Variants in KIF1A observed in about 807,000 individuals in gnomAD.
KIF1A encodes kinesin-like protein KIF1A.
In KIF1A, 46 loss-of-function variants were observed where a neutral mutation model predicts 227.3. That is an observed-to-expected ratio of 0.20 (90% confidence interval 0.16 to 0.26). The LOEUF is 0.26. KIF1A is among the 10% of genes least tolerant of loss of function. The pLI, the probability that KIF1A is intolerant of heterozygous loss-of-function variation, is 1.00. For synonymous variants in KIF1A, 1,022 were observed against 1,012.8 expected (o/e 1.01, Z -0.17); for missense variants, 1,683 against 2,485.9 (o/e 0.68, Z 6.87).
chr2:240,772,572 TTGGGTCCTCC>T lies in KIF1A; in HGVS notation c.1195_1204del (p.Gly399AsnfsTer2). On this transcript the variant is annotated frameshift_variant, in exon 14 of 49. Coordinates refer to ENST00000498729, the MANE Select transcript of KIF1A (RefSeq NM_001244008.2). LOFTEE classifies it high-confidence loss of function. The stretch of plus-strand genomic sequence containing the variant: ...AGAGCAGCAAAGGGAATACACACAT[TTGGGTCCTCC>T]AGGCACAGTGTTGGCTATGGGGGAG... The T allele has an allele frequency of 6.5e-7, 1 of 1,548,312 alleles. No homozygotes were observed.
At chr2:240,750,349 G>T in intron 28 of KIF1A, 80 bp downstream of exon 28, 1 of 1,020,904 alleles carries the variant, frequency 9.8e-7, no homozygotes, top group Non-Finnish European at 1.5e-6. Context: ...GGCCCTTCTT[G>T]GGCCCACGCC....
chr2:240,763,181 T>C lies in KIF1A; in HGVS notation c.1934A>G (p.Gln645Arg). ...LLEKQGIDMK[Q>R]EMEQRLQELE... Reference sequence around the variant, plus strand: ...TCCGCCTCACCTCTGCTCCATCTCCTGCTTCATGTCGATGCCCTGCTTCTC... The same window carrying C: ...TCCGCCTCACCTCTGCTCCATCTCCCGCTTCATGTCGATGCCCTGCTTCTC... The change falls in exon 21 of 49, where the codon CAG (glutamine) becomes CGG (arginine). Residue 645 changes from glutamine to arginine, a missense_variant. This residue lies in a region of KIF1A where 217 missense variants were observed against 427.0 expected (regional missense o/e 0.51). Coordinates refer to ENST00000498729, the MANE Select transcript of KIF1A (RefSeq NM_001244008.2). The C allele has an allele frequency of 6.2e-7, 1 of 1,611,588 alleles. No individual in the cohort carries two copies. The highest frequency in any genetic ancestry group is 1.1e-5 in the South Asian group (1 of 90,990).
chr2:240,779,691 C>CTTCCTCACTCAGTTCCTCACAG (rs1382882978), intron 10 of KIF1A, among the ~76,000 whole-genome samples: 20 of 150,986 alleles, frequency 1.3e-4, no homozygotes, highest in South Asian at 4.2e-4. Context: ...TCCACACTCA[C>CTTCCTCACTCAGTTCCTCACAG]TTCCTCACTC....
rs914171325 is a variant in KIF1A at position 240,739,344 on chromosome 2, G to A, written c.3901+714C>T. On this transcript the variant is annotated intron_variant, in intron 37 of 48. Transcript: ENST00000498729. The surrounding 1 kb of genome is among the most constrained non-coding windows in gnomAD (Gnocchi z 5.6). ...AGCAAAGGAAACATTTGGCGGACCCGAATTCGAAACATGAGGTCATGGAAG... is the reference window on the plus strand; with the variant it reads ...AGCAAAGGAAACATTTGGCGGACCCAAATTCGAAACATGAGGTCATGGAAG... 2.0e-5 allele frequency among the ~76,000 whole-genome samples: 3 copies of A among 152,212 alleles called. No individual in the cohort carries two copies. The highest frequency in any genetic ancestry group is 1.9e-4 in the East Asian group (1 of 5,200).
chr2:240,800,567 G>A (rs11885091), intron 1 of KIF1A, among the ~76,000 whole-genome samples: 6,377 of 152,314 alleles, frequency 0.042, 198 homozygotes, highest in East Asian at 0.14. Context: ...ACAGAGAGCC[G>A]TTGCTGAGGG....
chr2:240,784,420 A>G (rs1013627985), intron 7 of KIF1A, among the ~76,000 whole-genome samples: 2 of 151,816 alleles, frequency 1.3e-5, no homozygotes, highest in African/African-American at 4.8e-5. Flanking sequence ...AGCCGCGCCG[A>G]CCTCGTCCAG....
At chr2:240,782,541 C>A (rs2054198316) in intron 10 of KIF1A, 49 bp downstream of exon 10, 2 of 1,546,086 alleles carry the variant, frequency 1.3e-6, no homozygotes, top group African/African-American at 1.4e-5. Flanking sequence ...AGGGCAGACA[C>A]CGCCACCAGC....
At chr2:240,738,386 C>T (rs1171224197) in intron 37 of KIF1A, among the ~76,000 whole-genome samples, 1 of 152,210 alleles carries the variant, frequency 6.6e-6, no homozygotes. Context: ...CCTCGACTTT[C>T]ATCCCTTTCG....
In KIF1A at chr2:240,781,696, G is replaced by T. The variant is rs899698838; in HGVS notation, c.882+894C>A. Reference sequence around the variant, plus strand: ...GGTCCTCCGTCTCCCGCAGTCCCACGCAGTGTCCTGTGCCGTTTCCCACAC... The same window carrying T: ...GGTCCTCCGTCTCCCGCAGTCCCACTCAGTGTCCTGTGCCGTTTCCCACAC... On this transcript the variant is annotated intron_variant, in intron 10 of 48. Coordinates refer to ENST00000498729, the MANE Select transcript of KIF1A (RefSeq NM_001244008.2). 8 of 918,164 alleles carry T rather than the reference G, an allele frequency of 8.7e-6. No individual in the cohort carries two copies. The Admixed American group carries it at 2.5e-4, about 28-fold the overall frequency. 56.9% of individuals were successfully genotyped at this position (918,164 alleles called of 1,614,324 possible).
chr2:240,789,375 A>C lies in KIF1A; in HGVS notation c.107-63T>G. 1.5e-6 allele frequency: 2 copies of C among 1,359,284 alleles called. No homozygotes were observed. Among genetic ancestry groups the C allele is most frequent in the Non-Finnish European group, 2.1e-6 (2 of 949,114 alleles). The allele number at this position is 1,359,284 out of a possible 1,614,324, so 84.2% of individuals were successfully genotyped here. A position where few individuals can be genotyped will look rare whatever the true frequency, so the allele number is the denominator to read the frequency against. Reference sequence around the variant, plus strand: ...GAGGGCCCCTGACTAGCTGGCATCTACACTCCAAGGTGGGGAGATGGTCTT... The same window carrying C: ...GAGGGCCCCTGACTAGCTGGCATCTCCACTCCAAGGTGGGGAGATGGTCTT... On this transcript the variant is annotated intron_variant, in intron 2 of 48. Transcript: ENST00000498729. This position sits in a 1 kb window ranked among gnomAD's most constrained non-coding sequence, Gnocchi z 4.8.
intron 38 of KIF1A, among the ~76,000 whole-genome samples, chr2:240,732,225 T>G (rs1575537726): frequency 1.6e-5 from 1 of 63,898 alleles, no homozygotes; most frequent in African/African-American, 7.0e-5. Context: ...GAGGAGGGGA[T>G]GAGGCATGAG....
chr2:240,779,261 G>A (rs1454111666), intron 10 of KIF1A, among the ~76,000 whole-genome samples: 1 of 123,084 alleles, frequency 8.1e-6, no homozygotes, highest in African/African-American at 3.2e-5. Flanking sequence ...TCCACACTCA[G>A]TTCCTCACTC....
In KIF1A at chr2:240,797,726, C is replaced by T. The variant is rs753090169; in HGVS notation, c.27G>A (p.Ala9=). The T allele has an allele frequency of 2.8e-5, 45 of 1,611,500 alleles. No individual in the cohort carries two copies. Among genetic ancestry groups the T allele is most frequent in the African/African-American group, 1.1e-4 (8 of 74,928 alleles). Reference sequence around the variant, plus strand: ...GGGAATTGAAGGGGCGGACCCGCACCGCCACCTTCACCGAAGCCCCGGCCA... The same window carrying T: ...GGGAATTGAAGGGGCGGACCCGCACTGCCACCTTCACCGAAGCCCCGGCCA... MAGASVKV[A]VRVRPFNSRE... is the part of the protein sequence containing the mutation. The change falls in exon 2 of 49, where the codon GCG becomes GCA. Residue 9 remains alanine (A), a synonymous_variant. Coordinates refer to ENST00000498729, the MANE Select transcript of KIF1A (RefSeq NM_001244008.2).
chr2:240,783,658 C>A, intron 8 of KIF1A, 81 bp downstream of exon 8: 1 of 1,158,348 alleles, frequency 8.6e-7, no homozygotes, highest in Non-Finnish European at 1.2e-6. Context: ...GCCCCCGGGA[C>A]CCCAACAGAG....
chr2:240,769,568 A>C, intron 16 of KIF1A, 59 bp downstream of exon 16: 1 of 1,436,686 alleles, frequency 7.0e-7, no homozygotes, highest in South Asian at 1.2e-5. Context: ...CATCCTGCCC[A>C]GGCTCCGGGC....
intron 15 of KIF1A, among the ~76,000 whole-genome samples, chr2:240,770,499 G>C (rs1024345066): frequency 6.6e-6 from 1 of 152,178 alleles, no homozygotes; most frequent in Non-Finnish European, 1.5e-5. Context: ...TCAGTGGAGG[G>C]GATGCTGCGG....
intron 1 of KIF1A, among the ~76,000 whole-genome samples, chr2:240,806,274 G>A (rs920463501): frequency 2.6e-5 from 4 of 152,358 alleles, no homozygotes; most frequent in African/African-American, 9.6e-5. Context: ...GAGCTGCTCA[G>A]CAGAAGTCCA....
Position 240,758,530 on chromosome 2 carries a change from G to A in KIF1A, c.2445-33C>T, listed in dbSNP as rs1262340625. The A allele has an allele frequency of 6.6e-7, 1 of 1,521,680 alleles. No individual in the cohort carries two copies. The highest frequency in any genetic ancestry group is 2.4e-5 in the East Asian group (1 of 42,160). The allele number at this position is 1,521,680 out of a possible 1,614,324, so 94.3% of individuals were successfully genotyped here. A position where few individuals can be genotyped will look rare whatever the true frequency, so the allele number is the denominator to read the frequency against. On this transcript the variant is annotated intron_variant, in intron 25 of 48. Transcript: ENST00000498729. The surrounding 1 kb of genome is among the most constrained non-coding windows in gnomAD (Gnocchi z 5.2). ...GACGGCAGGGGTCAATGTGGACCCA[G>A]GCCCAGCGCTCAGCAGCTGGCACCG... is the stretch of plus-strand genomic sequence containing the variant.
intron 32 of KIF1A, among the ~76,000 whole-genome samples, 181 bp downstream of exon 32, chr2:240,745,246 A>C (rs1393056674): frequency 6.6e-6 from 1 of 151,864 alleles, no homozygotes; most frequent in East Asian, 1.9e-4. Flanking sequence ...CTGTAAATCC[A>C]TCAAGGGTCT....
Sources: gnomAD v4.1 joint callset for allele counts (sites outside exome capture counted in the v4.1 genomes callset) on GRCh38, gnomAD v4.1.1 for gene constraint, gnomAD v4.1.1 regional missense constraint, Gnocchi (gnomAD v3.1) non-coding constraint, MANE v1.5 for transcripts, NCBI Gene and HGNC (gene_info 2026-07-23, HGNC 2026-07-21) for gene names.